The following ETS1 variants were observed in gnomAD, a reference collection of about 807,000 sequenced individuals.
ETS1 encodes protein C-ets-1.
A neutral mutation model predicts 58.6 loss-of-function variants in ETS1; 15 were observed. The ratio of observed to expected loss-of-function variants is 0.26; its 90% CI spans 0.17 to 0.39. The LOEUF (loss-of-function observed/expected upper bound fraction) is 0.39. Ranked by LOEUF, ETS1 falls within the 10% of genes least tolerant of loss-of-function variation. The probability of loss-of-function intolerance (pLI) is 1.00; values close to 1 mark genes in which losing one functional copy is unlikely to be tolerated. For synonymous variants in ETS1, 214 were observed against 218.2 expected (o/e 0.98, Z 0.17); for missense variants, 417 against 610.5 (o/e 0.68, Z 3.34).
chr11:128,537,723 C>T (rs780739041), intron 3 of ETS1, among the ~76,000 whole-genome samples: 19 of 152,178 alleles, frequency 1.2e-4, no homozygotes, highest in Non-Finnish European at 2.2e-4. Context: ...ACCACTTATA[C>T]GTGTATATTG....
At position 128,483,734 on chromosome 11, in the gene ETS1, C is replaced by T. The variant is rs1468234214; in HGVS notation, c.862+1089G>A. On this transcript the variant is annotated intron_variant, in intron 7 of 9. Coordinates refer to ENST00000392668, the MANE Select transcript of ETS1 (RefSeq NM_001143820.2). ...CGAAGAAGACGACAATGGGCATGAC[C>T]CATGATTCTTCAAAGTAAAGGTACC... 2.6e-5 allele frequency among the ~76,000 whole-genome samples: 4 copies of T among 152,284 alleles called. No homozygotes were observed. The East Asian group carries it at 5.8e-4, about 22-fold the overall frequency.
chr11:128,483,921 A>G (rs1862556373), intron 7 of ETS1, among the ~76,000 whole-genome samples: 1 of 152,042 alleles, frequency 6.6e-6, no homozygotes, highest in Non-Finnish European at 1.5e-5. Flanking sequence ...CCATTTACCC[A>G]CCAGAAAAGT....
chr11:128,516,708 T>C (rs1017554378), intron 3 of ETS1, among the ~76,000 whole-genome samples: 2 of 152,184 alleles, frequency 1.3e-5, no homozygotes, highest in Non-Finnish European at 2.9e-5. Flanking sequence ...ACACATGGAA[T>C]GGACTTTTTT....
chr11:128,549,027 C>T lies in ETS1; in HGVS notation c.214+7264G>A, dbSNP rs1864183800. On this transcript the variant is annotated intron_variant, in intron 3 of 9. Coordinates refer to ENST00000392668, the MANE Select transcript of ETS1 (RefSeq NM_001143820.2). This position sits in a 1 kb window ranked among gnomAD's most constrained non-coding sequence, Gnocchi z 4.3. ...GAGGAAGGCGGGGTGGGGTTAGGGA[C>T]CGGGAGGCTGGGGGAGGGGAGCGGG... 6.6e-6 allele frequency among the ~76,000 whole-genome samples: 1 copy of T among 151,982 alleles called. No homozygotes were observed. The highest frequency in any genetic ancestry group is 1.5e-5 in the Non-Finnish European group (1 of 67,956).
At chr11:128,478,242 G>A (rs570417669) in intron 8 of ETS1, among the ~76,000 whole-genome samples, 3 of 143,870 alleles carry the variant, frequency 2.1e-5, no homozygotes, top group Non-Finnish European at 3.0e-5. Context: ...CATTTCTGAA[G>A]AAAGAGAGAG....
chr11:128,534,051 T>C lies in ETS1; in HGVS notation c.214+22240A>G, dbSNP rs1328818330. On this transcript the variant is annotated intron_variant, in intron 3 of 9. Coordinates refer to ENST00000392668, the MANE Select transcript of ETS1 (RefSeq NM_001143820.2). ...TAAAGGGCGTTATTATTTTATGACATGGTTTTCTTTGTTTGAAATTGTCAG... is the reference window on the plus strand; with the variant it reads ...TAAAGGGCGTTATTATTTTATGACACGGTTTTCTTTGTTTGAAATTGTCAG... Among the ~76,000 whole-genome samples, 4 of 152,244 alleles carry C rather than the reference T, an allele frequency of 2.6e-5. No homozygotes were observed. The East Asian group carries it at 7.7e-4, about 29-fold the overall frequency.
intron 2 of ETS1, 51 bp downstream of exon 2, chr11:128,573,011 G>T: frequency 1.4e-6 from 2 of 1,431,880 alleles, no homozygotes; most frequent in Middle Eastern, 1.8e-4. Context: ...GCACAAGGAG[G>T]AGGGGAGAAG....
At chr11:128,488,618 A>G (rs1862703668) in intron 5 of ETS1, among the ~76,000 whole-genome samples, 1 of 152,138 alleles carries the variant, frequency 6.6e-6, no homozygotes, top group South Asian at 2.1e-4. Flanking sequence ...AAGCACAAAA[A>G]CACCCAAGTT....
intron 8 of ETS1, among the ~76,000 whole-genome samples, chr11:128,472,148 C>T (rs1266306586): frequency 6.6e-6 from 1 of 152,114 alleles, no homozygotes; most frequent in Non-Finnish European, 1.5e-5. Context: ...CTGAAAGTGT[C>T]CTACCTACGC....
intron 3 of ETS1, among the ~76,000 whole-genome samples, chr11:128,501,933 A>G (rs545096128): frequency 6.6e-6 from 1 of 152,342 alleles, no homozygotes; most frequent in Non-Finnish European, 1.5e-5. Flanking sequence ...GGTGGCTGAT[A>G]GTACAAATGG....
chr11:128,479,645 G>A (rs1031854198), intron 8 of ETS1, among the ~76,000 whole-genome samples: 9 of 152,170 alleles, frequency 5.9e-5, no homozygotes, highest in Non-Finnish European at 8.8e-5. Flanking sequence ...ATAAAGCCGA[G>A]TAAGAGAAGG....
intron 2 of ETS1, among the ~76,000 whole-genome samples, chr11:128,563,606 A>G (rs1864440750): frequency 6.6e-6 from 1 of 152,174 alleles, no homozygotes; most frequent in South Asian, 2.1e-4. Flanking sequence ...TACGACTGAC[A>G]ACCTTCATTG....
chr11:128,555,441 G>C (rs554028451), intron 3 of ETS1, among the ~76,000 whole-genome samples: 20 of 152,316 alleles, frequency 1.3e-4, no homozygotes, highest in African/African-American at 4.6e-4. Flanking sequence ...CAACATGTAA[G>C]AGTAATGACA....
At chr11:128,516,163 A>G (rs1344906996) in intron 3 of ETS1, among the ~76,000 whole-genome samples, 1 of 152,236 alleles carries the variant, frequency 6.6e-6, no homozygotes, top group Non-Finnish European at 1.5e-5. Context: ...AAAAGCAGCC[A>G]AGTAGAAATA....
chr11:128,550,561 C>G (rs1298156761), intron 3 of ETS1, among the ~76,000 whole-genome samples: 1 of 152,208 alleles, frequency 6.6e-6, no homozygotes, highest in Non-Finnish European at 1.5e-5. Flanking sequence ...CTGGCCCTCT[C>G]AGAGATGGGA....
At chr11:128,485,884 A>G (rs1486072920) in intron 6 of ETS1, among the ~76,000 whole-genome samples, 185 bp downstream of exon 6, 3 of 152,164 alleles carry the variant, frequency 2.0e-5, no homozygotes, top group Non-Finnish European at 2.9e-5. Context: ...TTAATGAAAC[A>G]TATATATAGG....
chr11:128,466,696 T>C (rs1041460038), intron 8 of ETS1, among the ~76,000 whole-genome samples: 2 of 145,634 alleles, frequency 1.4e-5, no homozygotes, highest in African/African-American at 4.9e-5. Flanking sequence ...TTTCCTTTGT[T>C]CAAAAGGAAT....
intron 3 of ETS1, among the ~76,000 whole-genome samples, chr11:128,543,031 C>T (rs914615808): frequency 4.6e-5 from 7 of 151,646 alleles, no homozygotes; most frequent in South Asian, 4.2e-4. Context: ...AAAAATTAGC[C>T]GGGCATGGTG....
chr11:128,577,059 C>CA (rs1268734491), intron 1 of ETS1, among the ~76,000 whole-genome samples: 1 of 152,212 alleles, frequency 6.6e-6, no homozygotes, highest in African/African-American at 2.4e-5. Context: ...TGAAGGCAGG[C>CA]ACCATGCCTT....
Sources: gnomAD v4.1 joint callset for allele counts (sites outside exome capture counted in the v4.1 genomes callset) on GRCh38, gnomAD v4.1.1 for gene constraint, Gnocchi (gnomAD v3.1) non-coding constraint, MANE v1.5 for transcripts, NCBI Gene and HGNC (gene_info 2026-07-23, HGNC 2026-07-21) for gene names.